Variants in ZDHHC7 observed in about 807,000 individuals in gnomAD.
ZDHHC7 encodes the protein palmitoyltransferase ZDHHC7.
Under a neutral mutation model 34.1 loss-of-function variants are expected in ZDHHC7, and 12 were observed. That is an observed-to-expected ratio of 0.35 (90% CI 0.23 to 0.57). The LOEUF (loss-of-function observed/expected upper bound fraction) is 0.57, where lower values mean the gene tolerates loss of function less well. Among genes scored for constraint, ZDHHC7 ranks in the 20% least tolerant of loss-of-function variants. The probability of loss-of-function intolerance (pLI) is 0.84; values close to 1 mark genes in which losing one functional copy is unlikely to be tolerated. For missense variants in ZDHHC7, 388 were observed against 402.7 expected, an observed-to-expected ratio of 0.96 and a Z score of 0.31; for synonymous variants, 185 against 155.4, an observed-to-expected ratio of 1.19 and a Z score of -1.42.
chr16:84,997,754 G>A (rs1262378557), intron 1 of ZDHHC7, among the ~76,000 whole-genome samples: 15 of 149,798 alleles, frequency 1.0e-4, no homozygotes, highest in African/African-American at 2.7e-4. Context: ...TTAGCTAGGC[G>A]TGGTGGTGGG....
At chr16:85,012,662 T>C (rs2072809457), upstream of ZDHHC7, among the ~76,000 whole-genome samples, 1 of 151,988 alleles carries the variant, frequency 6.6e-6, no homozygotes, top group South Asian at 2.1e-4. Context: ...CCAGCACTTG[T>C]AGGAGGCCGA....
chr16:85,003,118 G>A (rs998771161), intron 1 of ZDHHC7, among the ~76,000 whole-genome samples: 3 of 152,128 alleles, frequency 2.0e-5, no homozygotes, highest in Admixed American at 1.3e-4. Flanking sequence ...GATGCAAGCG[G>A]GAGAGGCCAA....
At chr16:85,027,191 G>A in the ZDHHC7 span, among the ~76,000 whole-genome samples, 54 of 152,174 alleles carry the variant, frequency 3.5e-4, no homozygotes, top group Middle Eastern at 3.4e-3. Context: ...GCCTCTGATT[G>A]CTCTTCCATA....
chr16:84,978,841 A>G (rs112597421), intron 5 of ZDHHC7, among the ~76,000 whole-genome samples: 19,813 of 150,498 alleles, frequency 0.13, 1,367 homozygotes, highest in Middle Eastern at 0.18. Flanking sequence ...CAGCCTGGGC[A>G]ACAAGAGCAA....
chr16:85,009,882 G>T (rs1219496926), intron 1 of ZDHHC7, among the ~76,000 whole-genome samples: 2 of 151,464 alleles, frequency 1.3e-5, no homozygotes, highest in Non-Finnish European at 2.9e-5. Context: ...CTAATTTTTG[G>T]TATTTTTAGT....
chr16:84,992,301 T>G (rs1339366189), intron 2 of ZDHHC7, among the ~76,000 whole-genome samples: 2 of 150,190 alleles, frequency 1.3e-5, no homozygotes, highest in African/African-American at 2.5e-5. Flanking sequence ...AACCCGTCTC[T>G]ACTAAAAATA....
chr16:85,009,587 T>C (rs2072761610), intron 1 of ZDHHC7, among the ~76,000 whole-genome samples: 2 of 152,218 alleles, frequency 1.3e-5, no homozygotes, highest in African/African-American at 4.8e-5. Flanking sequence ...CAGAAGCCAA[T>C]GTGGGCCCCT....
At chr16:84,977,892 A>T in intron 6 of ZDHHC7, 32 bp downstream of exon 6, 2 of 1,569,152 alleles carry the variant, frequency 1.3e-6, no homozygotes, top group Non-Finnish European at 1.7e-6. Context: ...CAGCATGCAA[A>T]GCCAGGAATG....
At chr16:84,992,518 C>G (rs1380039763) in intron 2 of ZDHHC7, among the ~76,000 whole-genome samples, 1 of 152,182 alleles carries the variant, frequency 6.6e-6, no homozygotes, top group African/African-American at 2.4e-5. Flanking sequence ...ACTGTTTTGA[C>G]TGCTTCTTTG....
At chr16:84,997,303 C>T (rs1470841091) in intron 1 of ZDHHC7, among the ~76,000 whole-genome samples, 3 of 124,572 alleles carry the variant, frequency 2.4e-5, no homozygotes, top group East Asian at 4.9e-4. Context: ...GAGTCTTGCT[C>T]TGTCGCCCAG....
chr16:84,993,592 C>G (rs9939913), intron 2 of ZDHHC7, among the ~76,000 whole-genome samples: 3 of 151,448 alleles, frequency 2.0e-5, no homozygotes, highest in Non-Finnish European at 2.9e-5. Context: ...CAGTGAGCCA[C>G]AATCCCACCA....
intron 1 of ZDHHC7, among the ~76,000 whole-genome samples, chr16:85,007,017 A>G (rs1385164590): frequency 1.3e-5 from 2 of 152,118 alleles, no homozygotes; most frequent in African/African-American, 2.4e-5. Flanking sequence ...GTAGAAGAAC[A>G]CGGTGTTTTC....
intron 3 of ZDHHC7, among the ~76,000 whole-genome samples, chr16:84,985,002 G>A (rs2072418388): frequency 6.6e-6 from 1 of 152,184 alleles, no homozygotes; most frequent in African/African-American, 2.4e-5. Flanking sequence ...AACCTTCCAA[G>A]TAATTGAGCA....
chr16:85,013,633 A>G (rs990210978), upstream of ZDHHC7, among the ~76,000 whole-genome samples: 2 of 152,204 alleles, frequency 1.3e-5, no homozygotes, highest in Non-Finnish European at 2.9e-5. Flanking sequence ...TCTTATGAAT[A>G]TATGAGATGT....
intron 1 of ZDHHC7, among the ~76,000 whole-genome samples, chr16:85,004,172 C>T (rs1010353468): frequency 2.0e-5 from 3 of 152,024 alleles, no homozygotes; most frequent in African/African-American, 7.3e-5. Flanking sequence ...TTTCCCATCT[C>T]AATCAACGGC....
intron 1 of ZDHHC7, among the ~76,000 whole-genome samples, chr16:85,003,311 C>T (rs1198280205): frequency 6.6e-6 from 1 of 152,272 alleles, no homozygotes; most frequent in East Asian, 1.9e-4. Context: ...GCAAACGGGG[C>T]CACATCCCAG....
intron 1 of ZDHHC7, among the ~76,000 whole-genome samples, chr16:85,000,640 G>A (rs569052132): frequency 2.6e-5 from 4 of 152,120 alleles, no homozygotes; most frequent in African/African-American, 4.8e-5. Context: ...CATAAAAAAC[G>A]GAATTAAGCA....
upstream of ZDHHC7, among the ~76,000 whole-genome samples, chr16:85,013,403 C>T (rs1223658712): frequency 6.6e-6 from 1 of 152,112 alleles, no homozygotes; most frequent in East Asian, 1.9e-4. Flanking sequence ...CCACCACGTC[C>T]GGCTAATTTT....
chr16:85,006,157 G>A (rs1300739724), intron 1 of ZDHHC7, among the ~76,000 whole-genome samples: 2 of 152,096 alleles, frequency 1.3e-5, no homozygotes, highest in African/African-American at 4.8e-5. Flanking sequence ...TGAGTTAAAA[G>A]ACCAGCCTGG....
Sources: allele counts gnomAD v4.1 joint callset (sites outside exome capture counted in the v4.1 genomes callset), GRCh38; gene constraint gnomAD v4.1.1; transcripts MANE v1.5; gene names NCBI Gene and HGNC (gene_info 2026-07-23, HGNC 2026-07-21).